Variants in SH2B3 observed in about 807,000 individuals in gnomAD.
The protein encoded by SH2B3 is SH2B adapter protein 3.
Under a neutral mutation model 51.9 loss-of-function variants are expected in SH2B3, and 43 were observed. The observed-to-expected ratio is 0.83, with a 90% CI of 0.65 to 1.07. The LOEUF is 1.07. Ranked by LOEUF, SH2B3 falls within the 50% of genes least tolerant of loss-of-function variation. The probability of loss-of-function intolerance (pLI) is 0.00; values close to 1 mark genes in which losing one functional copy is unlikely to be tolerated. For synonymous variants in SH2B3, 396 were observed against 376.0 expected, an observed-to-expected ratio of 1.05 and a Z score of -0.62; for missense variants, 952 against 834.3, an observed-to-expected ratio of 1.14 and a Z score of -1.74.
chr12:111,428,370 G>T (rs1872175988), intron 2 of SH2B3, among the ~76,000 whole-genome samples: 1 of 152,234 alleles, frequency 6.6e-6, no homozygotes, highest in Non-Finnish European at 1.5e-5. Context: ...CTGGGTAGGA[G>T]TGGCTGCGAC....
chr12:111,418,913 C>G lies in SH2B3; in HGVS notation c.732+36C>G. On this transcript the variant is annotated intron_variant, in intron 2 of 7. Transcript: ENST00000341259. This position sits in a 1 kb window ranked among gnomAD's most constrained non-coding sequence, Gnocchi z 6.7. ...CCTGCCCGCGGGGTTGCGCACTGCA[C>G]TGCGCCCTTCGCCTTCACCCTGGGG... 2.9e-6 allele frequency: 4 copies of G among 1,369,712 alleles called. No homozygotes were observed. Among genetic ancestry groups the G allele is most frequent in the Non-Finnish European group, 3.7e-6 (4 of 1,070,240 alleles). The allele number at this position is 1,369,712 out of a possible 1,614,324, so 84.8% of individuals were successfully genotyped here.
At position 111,418,718 on chromosome 12, in the gene SH2B3, GC is replaced by G; in HGVS notation, c.575del (p.Pro192HisfsTer5). ...FLPWSLAREP[P>X]PEALKEAVLR... ...TGCCCTGGAGCCTGGCCCGGGAGCCGCCACCCGAGGCGCTGAAGGAGGCGGT... is the reference window on the plus strand; with the variant it reads ...TGCCCTGGAGCCTGGCCCGGGAGCCGCACCCGAGGCGCTGAAGGAGGCGGT... On this transcript the variant is annotated frameshift_variant, in exon 2 of 8. Transcript: ENST00000341259. LOFTEE classifies it high-confidence loss of function. This position sits in a 1 kb window ranked among gnomAD's most constrained non-coding sequence, Gnocchi z 6.7. 6.7e-7 allele frequency: 1 copy of G among 1,483,954 alleles called. No individual in the cohort carries two copies. The highest frequency in any genetic ancestry group is 8.9e-7 in the Non-Finnish European group (1 of 1,124,564). The allele number at this position is 1,483,954 out of a possible 1,614,324, so 91.9% of individuals were successfully genotyped here.
chr12:111,423,021 A>G (rs541336999), intron 2 of SH2B3, among the ~76,000 whole-genome samples: 2 of 152,254 alleles, frequency 1.3e-5, no homozygotes, highest in Admixed American at 1.3e-4. Flanking sequence ...TTTCATTCTA[A>G]GTAAATCACT....
rs1871231182 is a variant in SH2B3, at chr12:111,418,246, C to A, written c.101C>A (p.Ala34Asp). 1 of 1,547,346 alleles carries A rather than the reference C, an allele frequency of 6.5e-7. No homozygotes were observed. The highest frequency in any genetic ancestry group is 1.9e-5 in the Admixed American group (1 of 52,768). ...RGWSEFCELHAVAAARELARQ... is the reference protein window; with the variant it reads ...RGWSEFCELHDVAAARELARQ... ...TGGAGCGAGTTCTGTGAGTTGCACG[C>A]CGTAGCGGCGGCCCGGGAGCTGGCC... The change falls in exon 2 of 8, where the codon GCC becomes GAC. Residue 34 changes from alanine to aspartate, a missense_variant. Ala to Asp is a moderately radical substitution (Grantham distance 126). Transcript: ENST00000341259. This position sits in a 1 kb window ranked among gnomAD's most constrained non-coding sequence, Gnocchi z 6.7.
At chr12:111,411,142 G>A (rs1005330057) in intron 1 of SH2B3, among the ~76,000 whole-genome samples, 1 of 149,176 alleles carries the variant, frequency 6.7e-6, no homozygotes, top group African/African-American at 2.5e-5. Flanking sequence ...AAGGTGGGAG[G>A]ATCACTTGAG....
Position 111,418,541 on chromosome 12 carries a change from C to G in SH2B3, c.396C>G (p.Pro132=). ...EELAPPRPPG[P]CSFQHFRRSL... is the part of the protein sequence containing the mutation. ...TGGCCCCGCCGCGGCCGCCCGGGCC[C>G]TGCTCCTTCCAGCACTTTCGCCGCA... The change falls in exon 2 of 8, where the codon CCC becomes CCG. Residue 132 remains proline, a synonymous_variant. Coordinates refer to ENST00000341259, the MANE Select transcript of SH2B3 (RefSeq NM_005475.3). The surrounding 1 kb of genome is among the most constrained non-coding windows in gnomAD (Gnocchi z 6.7). 6.9e-7 allele frequency: 1 copy of G among 1,451,472 alleles called. No individual in the cohort carries two copies. 89.9% of individuals were successfully genotyped at this position (1,451,472 alleles called of 1,614,324 possible).
rs1253730150 is a variant in SH2B3, at chr12:111,406,269, GTC to G, written c.-31_-30del. 2.0e-5 allele frequency: 3 copies of G among 152,148 alleles called. No homozygotes were observed. Among genetic ancestry groups the G allele is most frequent in the Non-Finnish European group, 4.4e-5 (3 of 68,018 alleles). 9.4% of individuals were successfully genotyped at this position (152,148 alleles called of 1,614,324 possible). A position where few individuals can be genotyped will look rare whatever the true frequency, so the allele number is the denominator to read the frequency against. On this transcript the variant is annotated 5_prime_UTR_variant, in exon 1 of 8. Coordinates refer to ENST00000341259, the MANE Select transcript of SH2B3 (RefSeq NM_005475.3). This position sits in a 1 kb window ranked among gnomAD's most constrained non-coding sequence, Gnocchi z 5.7. Reference sequence around the variant, plus strand: ...TGGGCCGGCCGGGCCCAGAGCTCCTGTCTCTCAGGTGAGCCCGCGTTTGCCCG... The same window carrying G: ...TGGGCCGGCCGGGCCCAGAGCTCCTGTCTCAGGTGAGCCCGCGTTTGCCCG...
intron 2 of SH2B3, among the ~76,000 whole-genome samples, chr12:111,433,129 A>T (rs1422155232): frequency 6.6e-6 from 1 of 152,204 alleles, no homozygotes; most frequent in Non-Finnish European, 1.5e-5. Context: ...AGGCAGGTGG[A>T]TCACTTGATG....
chr12:111,441,936 AT>A (rs111758346), intron 2 of SH2B3, among the ~76,000 whole-genome samples: 197 of 145,832 alleles, frequency 1.4e-3, no homozygotes, highest in Admixed American at 2.9e-3. Flanking sequence ...AAGGCAAGGA[AT>A]TTTTTTTTTT....
intron 2 of SH2B3, among the ~76,000 whole-genome samples, chr12:111,422,557 A>G: frequency 6.7e-6 from 1 of 148,730 alleles, no homozygotes; most frequent in African/African-American, 2.5e-5. Context: ...CATGAAAAGC[A>G]GTTTTGTTTT....
intron 2 of SH2B3, among the ~76,000 whole-genome samples, chr12:111,423,647 G>A (rs1871745171): frequency 1.3e-5 from 2 of 152,182 alleles, no homozygotes; most frequent in African/African-American, 4.8e-5. Context: ...CGGGATTACA[G>A]GCGTGAGCCA....
At chr12:111,447,259 G>A (rs745456036) in intron 5 of SH2B3, 40 bp downstream of exon 5, 49 of 1,575,846 alleles carry the variant, frequency 3.1e-5, no homozygotes, top group Non-Finnish European at 3.6e-5. Flanking sequence ...TTCTGGGTAC[G>A]CTGGAACCCA....
chr12:111,406,775 T>C lies in SH2B3; in HGVS notation c.-28+498T>C, dbSNP rs998319528. ...CCATGTGGCTAAGAGGGTAGCGCCC[T>C]GATTCAGGAAGCCCCTCTCCCCAGT... On this transcript the variant is annotated intron_variant, in intron 1 of 7. Coordinates refer to ENST00000341259, the MANE Select transcript of SH2B3 (RefSeq NM_005475.3). The surrounding 1 kb of genome is among the most constrained non-coding windows in gnomAD (Gnocchi z 5.7). 6.6e-6 allele frequency among the ~76,000 whole-genome samples: 1 copy of C among 152,192 alleles called. No homozygotes were observed. Among genetic ancestry groups the C allele is most frequent in the African/African-American group, 2.4e-5 (1 of 41,452 alleles).
rs773448421 is a variant in SH2B3, at chr12:111,447,832, G to C, written c.1408+5G>C. 1.2e-6 allele frequency: 2 copies of C among 1,613,082 alleles called. No homozygotes were observed. Among genetic ancestry groups the C allele is most frequent in the Non-Finnish European group, 8.5e-7 (1 of 1,179,384 alleles). ...TAGTCGTCTCCCAACCACCAGGTCT[G>C]ACCCTACTGCCCTTTGCTGAAGGGG... is the stretch of plus-strand genomic sequence containing the variant. On this transcript the variant is annotated splice_donor_5th_base_variant and intron_variant, in intron 7 of 7. Coordinates refer to ENST00000341259, the MANE Select transcript of SH2B3 (RefSeq NM_005475.3).
chr12:111,417,460 T>TTTTATTTATTTATTTATTTA (rs61142950), intron 1 of SH2B3, among the ~76,000 whole-genome samples: 17,132 of 147,060 alleles, frequency 0.12, 1,129 homozygotes, highest in East Asian at 0.22. Flanking sequence ...AGGGCCTTTA[T>TTTTATTTATTTATTTATTTA]TTTATTTATT....
chr12:111,447,458 G>A lies in SH2B3; in HGVS notation c.1150G>A (p.Asp384Asn), dbSNP rs781607793. Residue 384 changes from aspartate (D) to asparagine (N), a missense_variant, in exon 6 of 8, where the codon GAT (aspartate) becomes AAT (asparagine). Physicochemically the swap from Asp to Asn is conservative, Grantham distance 23 (BLOSUM62 1). Transcript: ENST00000341259. The stretch of plus-strand genomic sequence containing the variant: ...TCAGCTGGTTCAGCTGCAGGGCCCT[G>A]ATGCTCATGGAGTGTTCCTGGTGCG... ...AAQLVQLQGP[D>N]AHGVFLVRQS... 4.5e-5 allele frequency: 73 copies of A among 1,613,208 alleles called. No individual in the cohort carries two copies. The Admixed American group carries it at 1.2e-3, about 25-fold the overall frequency.
Position 111,447,235 on chromosome 12 carries a change from G to A in SH2B3, c.1021+16G>A. 2 of 1,604,522 alleles carry A rather than the reference G, an allele frequency of 1.2e-6. No individual in the cohort carries two copies. Among genetic ancestry groups the A allele is most frequent in the Non-Finnish European group, 1.7e-6 (2 of 1,171,296 alleles). ...CTTAACCAAGGTGGGTAAACCAATAGCTAGGCCATTGTCTTCTGGGTACGC... is the reference window on the plus strand; with the variant it reads ...CTTAACCAAGGTGGGTAAACCAATAACTAGGCCATTGTCTTCTGGGTACGC... On this transcript the variant is annotated intron_variant, in intron 5 of 7. Transcript: ENST00000341259.
chr12:111,418,265 G>T lies in SH2B3; in HGVS notation c.120G>T (p.Glu40Asp). 6 of 1,531,360 alleles carry T rather than the reference G, an allele frequency of 3.9e-6. No homozygotes were observed. Among genetic ancestry groups the T allele is most frequent in the Non-Finnish European group, 5.2e-6 (6 of 1,145,278 alleles). 94.9% of individuals were successfully genotyped at this position (1,531,360 alleles called of 1,614,324 possible). ...CELHAVAAAR[E>D]LARQYWLFAR... ...TGCACGCCGTAGCGGCGGCCCGGGA[G>T]CTGGCCCGCCAGTACTGGCTGTTCG... Residue 40 changes from glutamate (E) to aspartate (D), a missense_variant, in exon 2 of 8, where the codon GAG becomes GAT. Transcript: ENST00000341259. The surrounding 1 kb of genome is among the most constrained non-coding windows in gnomAD (Gnocchi z 6.7).
At chr12:111,420,130 C>G (rs1190264655) in intron 2 of SH2B3, among the ~76,000 whole-genome samples, 1 of 152,148 alleles carries the variant, frequency 6.6e-6, no homozygotes, top group African/African-American at 2.4e-5. Context: ...CAGAGAATTT[C>G]TCTGCACCTC....
Sources: gnomAD v4.1 joint callset for allele counts (sites outside exome capture counted in the v4.1 genomes callset) on GRCh38, gnomAD v4.1.1 for gene constraint, Gnocchi (gnomAD v3.1) non-coding constraint, MANE v1.5 for transcripts, NCBI Gene and HGNC (gene_info 2026-07-23, HGNC 2026-07-21) for gene names.